C1orf21: variants seen among roughly 807,000 people sequenced by gnomAD.
C1orf21 encodes chromosome 1 open reading frame 21.
Under a neutral mutation model 18.7 loss-of-function variants are expected in C1orf21, and 3 were observed. The observed-to-expected ratio is 0.16, with a 90% CI of 0.07 to 0.42. C1orf21 has a LOEUF of 0.42. C1orf21 is among the 10% of genes least tolerant of loss of function. C1orf21 has a pLI of 0.99. For missense variants in C1orf21, 104 were observed against 143.6 expected, an observed-to-expected ratio of 0.72 and a Z score of 1.41; for synonymous variants, 41 against 46.4, an observed-to-expected ratio of 0.88 and a Z score of 0.47.
At chr1:184,475,771 G>A (rs1242738389) in intron 1 of C1orf21, among the ~76,000 whole-genome samples, 1 of 151,448 alleles carries the variant, frequency 6.6e-6, no homozygotes, top group South Asian at 2.1e-4. Flanking sequence ...GTGTGTGTGT[G>A]TGTGTGTGTG....
At chr1:184,591,438 G>A (rs893107622) in intron 4 of C1orf21, among the ~76,000 whole-genome samples, 4 of 152,182 alleles carry the variant, frequency 2.6e-5, no homozygotes, top group Admixed American at 2.6e-4. Context: ...AGTTCTTAAG[G>A]ATAATCATTA....
rs76087995 is a variant in C1orf21, at chr1:184,623,175, A to G, written c.*3619A>G. Reference sequence around the variant, plus strand: ...CTGGGCAAGAATTTAAGATTGTTCTATCTCTACTAGTCATAGAAAAGAAAC... The same window carrying G: ...CTGGGCAAGAATTTAAGATTGTTCTGTCTCTACTAGTCATAGAAAAGAAAC... On this transcript the variant is annotated 3_prime_UTR_variant, in exon 6 of 6. Coordinates refer to ENST00000235307, the MANE Select transcript of C1orf21 (RefSeq NM_030806.4). The G allele has an allele frequency of 2.2e-3, 339 of 152,346 alleles. 2 individuals carry two copies. Among genetic ancestry groups the G allele is most frequent in the African/African-American group, 7.7e-3 (321 of 41,580 alleles). The allele number at this position is 152,346 out of a possible 1,614,324, so 9.4% of individuals were successfully genotyped here.
At chr1:184,598,379 T>C (rs1435985318) in intron 4 of C1orf21, 22 bp from the exon 5 acceptor site, 3 of 1,611,092 alleles carry the variant, frequency 1.9e-6, no homozygotes, top group Middle Eastern at 1.7e-4. Context: ...AAATATGCAC[T>C]TAACTACCCT....
At chr1:184,456,240 C>T (rs1157070901) in intron 1 of C1orf21, among the ~76,000 whole-genome samples, 1 of 152,154 alleles carries the variant, frequency 6.6e-6, no homozygotes, top group Non-Finnish European at 1.5e-5. Flanking sequence ...CCTTTGGAGT[C>T]TGTGTTTTCT....
chr1:184,450,250 C>A (rs936348324), intron 1 of C1orf21, among the ~76,000 whole-genome samples: 1 of 152,060 alleles, frequency 6.6e-6, no homozygotes, highest in Admixed American at 6.5e-5. Context: ...GAGAGCACGC[C>A]ACCACACTGA....
intron 1 of C1orf21, among the ~76,000 whole-genome samples, chr1:184,476,303 A>G (rs368849065): frequency 3.9e-5 from 6 of 152,148 alleles, no homozygotes; most frequent in East Asian, 1.9e-4. Flanking sequence ...GTGGGTGCTG[A>G]TGAAGATTCA....
intron 1 of C1orf21, among the ~76,000 whole-genome samples, chr1:184,405,038 T>C (rs1201850855): frequency 2.6e-5 from 4 of 152,212 alleles, no homozygotes; most frequent in African/African-American, 4.8e-5. Context: ...ATTTTATGTG[T>C]CTGTTTCTCC....
intron 3 of C1orf21, among the ~76,000 whole-genome samples, chr1:184,536,848 G>GGA (rs528373655): frequency 3.9e-4 from 56 of 145,094 alleles, no homozygotes; most frequent in East Asian, 1.6e-3. Context: ...TTCTTTTGTG[G>GGA]AAAAAAAAAA....
chr1:184,391,997 C>T (rs1018916005), intron 1 of C1orf21, among the ~76,000 whole-genome samples: 9 of 152,158 alleles, frequency 5.9e-5, no homozygotes, highest in Admixed American at 2.0e-4. Context: ...CGTGAGCCAC[C>T]GTGCCCGGCC....
intron 1 of C1orf21, among the ~76,000 whole-genome samples, chr1:184,396,077 G>A (rs1656046277): frequency 6.6e-6 from 1 of 152,204 alleles, no homozygotes; most frequent in Non-Finnish European, 1.5e-5. Flanking sequence ...GAGCCATGTG[G>A]TTATGGATTG....
chr1:184,452,663 CT>C (rs1220272215), intron 1 of C1orf21, among the ~76,000 whole-genome samples: 1 of 152,104 alleles, frequency 6.6e-6, no homozygotes, highest in African/African-American at 2.4e-5. Context: ...TTTGATTGAT[CT>C]TTTTATAGAT....
At chr1:184,413,146 T>C (rs74131665) in intron 1 of C1orf21, among the ~76,000 whole-genome samples, 3,135 of 152,326 alleles carry the variant, frequency 0.021, 117 homozygotes, top group African/African-American at 0.07. Flanking sequence ...GGTGGACACC[T>C]GTTGCTGTGG....
At chr1:184,494,400 G>A (rs1657860070) in intron 2 of C1orf21, among the ~76,000 whole-genome samples, 2 of 152,162 alleles carry the variant, frequency 1.3e-5, no homozygotes, top group Admixed American at 1.3e-4. Flanking sequence ...TTTGAGTGCA[G>A]GGGAGTGATG....
intron 1 of C1orf21, among the ~76,000 whole-genome samples, chr1:184,431,039 T>C (rs1010607528): frequency 2.6e-5 from 4 of 152,218 alleles, no homozygotes; most frequent in Admixed American, 2.6e-4. Context: ...TTTTATTCTC[T>C]TTGTAGCAAT....
intron 3 of C1orf21, among the ~76,000 whole-genome samples, chr1:184,510,781 A>G (rs980756376): frequency 6.7e-6 from 1 of 149,556 alleles, no homozygotes. Context: ...TTGAGTGGTC[A>G]TAAACTGGGG....
intron 3 of C1orf21, among the ~76,000 whole-genome samples, chr1:184,558,127 T>C (rs1389220752): frequency 6.6e-6 from 1 of 152,224 alleles, no homozygotes; most frequent in African/African-American, 2.4e-5. Context: ...CCAGCTGATT[T>C]TCTGTCTCCT....
chr1:184,492,068 A>G (rs1426735055), intron 2 of C1orf21, among the ~76,000 whole-genome samples: 8 of 152,246 alleles, frequency 5.3e-5, no homozygotes, highest in Non-Finnish European at 1.2e-4. Context: ...ACTGTAAGCA[A>G]ACCTTCACAG....
intron 1 of C1orf21, among the ~76,000 whole-genome samples, chr1:184,394,483 C>G (rs187652250): frequency 3.9e-5 from 6 of 152,298 alleles, no homozygotes; most frequent in African/African-American, 1.4e-4. Context: ...GATGTACTCT[C>G]AACAAACCAT....
intron 3 of C1orf21, among the ~76,000 whole-genome samples, chr1:184,572,819 G>T (rs1659131386): frequency 6.6e-6 from 1 of 152,038 alleles, no homozygotes; most frequent in Non-Finnish European, 1.5e-5. Context: ...ACGCATGGTG[G>T]CATGCACCTG....
Sources: allele counts gnomAD v4.1 joint callset (sites outside exome capture counted in the v4.1 genomes callset), GRCh38; gene constraint gnomAD v4.1.1; transcripts MANE v1.5; gene names NCBI Gene and HGNC (gene_info 2026-07-23, HGNC 2026-07-21).